HMGB1: variants seen among roughly 807,000 people sequenced by gnomAD.
HMGB1 encodes high mobility group box 1, also known as high mobility group protein B1.
For missense variants in HMGB1, 79 were observed against 253.5 expected (o/e 0.31, Z 4.67); for synonymous variants, 81 against 84.0 (o/e 0.96, Z 0.19).
intron 1 of HMGB1, among the ~76,000 whole-genome samples, chr13:30,579,768 C>T (rs141540497): frequency 7.9e-4 from 120 of 152,168 alleles, no homozygotes; most frequent in African/African-American, 2.7e-3. Context: ...CAACATGGTA[C>T]CTGGCACATA....
At chr13:30,547,240 A>C (rs997966873) in intron 1 of HMGB1, among the ~76,000 whole-genome samples, 1 of 152,200 alleles carries the variant, frequency 6.6e-6, no homozygotes, top group African/African-American at 2.4e-5. Context: ...CTTTTCCCAA[A>C]TATTATTTGA....
chr13:30,464,206 G>T, intron 1 of HMGB1: 1 of 985,274 alleles, frequency 1.0e-6, no homozygotes, highest in Non-Finnish European at 1.2e-6. Context: ...ATAAAACTTT[G>T]CTCCAAAGAG....
chr13:30,474,810 G>T (rs1887031544), intron 1 of HMGB1, among the ~76,000 whole-genome samples: 1 of 142,074 alleles, frequency 7.0e-6, no homozygotes. Flanking sequence ...GCCTAAGCTG[G>T]AGTGCAATGG....
chr13:30,587,345 C>T (rs775929646), intron 1 of HMGB1, among the ~76,000 whole-genome samples: 4 of 152,136 alleles, frequency 2.6e-5, no homozygotes, highest in South Asian at 2.1e-4. Context: ...GAAATGGAGT[C>T]TCACTATGTT....
intron 1 of HMGB1, among the ~76,000 whole-genome samples, chr13:30,554,882 C>T (rs568130980): frequency 3.3e-5 from 5 of 152,202 alleles, no homozygotes; most frequent in East Asian, 1.9e-4. Flanking sequence ...AAAACAAGAC[C>T]TGAAGCCCAC....
At chr13:30,606,721 C>T (rs1175284260) in intron 1 of HMGB1, among the ~76,000 whole-genome samples, 2 of 152,208 alleles carry the variant, frequency 1.3e-5, no homozygotes, top group South Asian at 2.1e-4. Context: ...TGGGCTTCTA[C>T]AACTGGTCAC....
chr13:30,470,615 C>G (rs147837753), upstream of HMGB1, among the ~76,000 whole-genome samples: 1 of 152,166 alleles, frequency 6.6e-6, no homozygotes, highest in African/African-American at 2.4e-5. Context: ...AGATTGTCTG[C>G]CCAAAGATTG....
intron 1 of HMGB1, among the ~76,000 whole-genome samples, chr13:30,538,745 CTTTT>C (rs1356021866): frequency 9.2e-6 from 1 of 108,338 alleles, no homozygotes; most frequent in African/African-American, 3.3e-5. Flanking sequence ...TTTCTTTCTT[CTTTT>C]TCTTTCTTTC....
intron 1 of HMGB1, among the ~76,000 whole-genome samples, chr13:30,505,116 G>A (rs1256626150): frequency 1.3e-5 from 2 of 149,206 alleles, no homozygotes; most frequent in South Asian, 2.2e-4. Flanking sequence ...GACTACAGGC[G>A]CCGCCACCAT....
At position 30,458,749 on chromosome 13, in the gene HMGB1, CTT is replaced by C. The variant is rs1490829168; in HGVS notation, c.*2606_*2607del. 6.6e-6 allele frequency: 1 copy of C among 152,096 alleles called. No individual in the cohort carries two copies. The highest frequency in any genetic ancestry group is 1.5e-5 in the Non-Finnish European group (1 of 67,994). The allele number at this position is 152,096 out of a possible 1,614,324, so 9.4% of individuals were successfully genotyped here. ...TGTGTTACATGGGCGCTTTTCTTAT[CTT>C]TATCATTTAATCATTACCCCTCGGG... On this transcript the variant is annotated 3_prime_UTR_variant, in exon 5 of 5. Transcript: ENST00000341423.
chr13:30,519,701 T>TAAA (rs11313834), intron 1 of HMGB1, among the ~76,000 whole-genome samples: 10 of 148,456 alleles, frequency 6.7e-5, no homozygotes, highest in African/African-American at 2.5e-4. Context: ...CTCCATCAAT[T>TAAA]AAAAAAAAAA....
At chr13:30,536,812 T>C (rs1475836319) in intron 1 of HMGB1, among the ~76,000 whole-genome samples, 1 of 152,154 alleles carries the variant, frequency 6.6e-6, no homozygotes, top group Admixed American at 6.5e-5. Context: ...CCTATCGCTA[T>C]TTGTCACCAT....
chr13:30,479,659 G>A (rs575225650), intron 1 of HMGB1, among the ~76,000 whole-genome samples: 11 of 152,278 alleles, frequency 7.2e-5, no homozygotes, highest in African/African-American at 2.4e-4. Context: ...CTTACTAGCT[G>A]TGTCACCTTG....
intron 1 of HMGB1, among the ~76,000 whole-genome samples, chr13:30,508,308 T>C (rs1318603189): frequency 6.6e-6 from 1 of 151,962 alleles, no homozygotes; most frequent in Admixed American, 6.6e-5. Context: ...GGCCAGGAGT[T>C]CAAGACCAGC....
At chr13:30,580,327 C>T (rs891301532) in intron 1 of HMGB1, among the ~76,000 whole-genome samples, 1 of 152,172 alleles carries the variant, frequency 6.6e-6, no homozygotes, top group Non-Finnish European at 1.5e-5. Context: ...CCCTATATTG[C>T]ATTTATTTAA....
At chr13:30,589,498 T>C (rs1871288763) in intron 1 of HMGB1, among the ~76,000 whole-genome samples, 1 of 152,114 alleles carries the variant, frequency 6.6e-6, no homozygotes, top group African/African-American at 2.4e-5. Flanking sequence ...ATTTCAAAAG[T>C]GTACAGTCAG....
At chr13:30,469,186 C>T (rs527739268), upstream of HMGB1, among the ~76,000 whole-genome samples, 4 of 152,234 alleles carry the variant, frequency 2.6e-5, no homozygotes, top group African/African-American at 7.2e-5. Flanking sequence ...CCCTGGTACC[C>T]GGCCAAGTTA....
At chr13:30,464,548 C>A in intron 1 of HMGB1, 2 of 984,578 alleles carry the variant, frequency 2.0e-6, no homozygotes, top group Non-Finnish European at 2.4e-6. Flanking sequence ...AGGCCCGAGG[C>A]CGCCACGTGC....
intron 1 of HMGB1, among the ~76,000 whole-genome samples, chr13:30,495,239 A>T (rs1887583464): frequency 6.6e-6 from 1 of 152,194 alleles, no homozygotes; most frequent in South Asian, 2.1e-4. Flanking sequence ...GTTTTTCTAA[A>T]GCAATGATCC....
Sources: allele counts gnomAD v4.1 joint callset (sites outside exome capture counted in the v4.1 genomes callset), GRCh38; gene constraint gnomAD v4.1.1; transcripts MANE v1.5; gene names NCBI Gene and HGNC (gene_info 2026-07-23, HGNC 2026-07-21).